Variants in NPAP1 observed in about 807,000 individuals in gnomAD.
The protein encoded by NPAP1 is nuclear pore-associated protein 1.
For missense variants in NPAP1, 1,483 were observed against 1,454.5 expected, an observed-to-expected ratio of 1.02 and a Z score of -0.32; for synonymous variants, 616 against 581.4, an observed-to-expected ratio of 1.06 and a Z score of -0.86.
chr15:24,679,152 C>A lies in NPAP1; in HGVS notation c.3285C>A (p.Thr1095=), dbSNP rs1413246183. The part of the protein sequence containing the change: ...AAYIPGLDPP[T]QNSCSGMGGD... ...ACATTCCTGGTTTAGACCCACCTACCCAGAATTCATGCAGTGGTATGGGAG... is the reference window on the plus strand; with the variant it reads ...ACATTCCTGGTTTAGACCCACCTACACAGAATTCATGCAGTGGTATGGGAG... The change falls in exon 1 of 1, where the codon ACC becomes ACA. Residue 1095 remains threonine (T), a synonymous_variant. Transcript: ENST00000329468. 6.2e-7 allele frequency: 1 copy of A among 1,614,180 alleles called. No homozygotes were observed. The highest frequency in any genetic ancestry group is 1.1e-5 in the South Asian group (1 of 91,086).
chr15:24,676,719 G>A lies in NPAP1; in HGVS notation c.852G>A (p.Glu284=), dbSNP rs2048978655. 1 of 1,614,068 alleles carries A rather than the reference G, an allele frequency of 6.2e-7. No homozygotes were observed. Among genetic ancestry groups the A allele is most frequent in the African/African-American group, 1.3e-5 (1 of 75,056 alleles). The change falls in exon 1 of 1, where the codon GAG becomes GAA. Residue 284 remains glutamate (E), a synonymous_variant. Transcript: ENST00000329468. ...QKLAAEVLNE[E]PPPSSLGLPI... ...TGGCTGCGGAAGTGCTGAATGAAGA[G>A]CCACCGCCCAGCTCCCTAGGCTTGC...
chr15:24,676,747 A>G lies in NPAP1; in HGVS notation c.880A>G (p.Ile294Val), dbSNP rs139890361. ...ACCGCCCAGCTCCCTAGGCTTGCCG[A>G]TTCCGCTGATGTCCGGAAAGAGGAT... ...EPPPSSLGLP[I>V]PLMSGKRMPD... The change falls in exon 1 of 1, where the codon ATT (isoleucine) becomes GTT (valine). Residue 294 changes from isoleucine to valine, a missense_variant. By Grantham distance (29) the Ile-to-Val change is conservative. Transcript: ENST00000329468. 1.1e-4 allele frequency: 171 copies of G among 1,613,962 alleles called. 1 individual carries two copies. In the Middle Eastern group the frequency reaches 1.6e-3, roughly 16 times the overall value.
chr15:24,677,281 A>G lies in NPAP1; in HGVS notation c.1414A>G (p.Ile472Val). The G allele has an allele frequency of 6.2e-7, 1 of 1,614,070 alleles. No homozygotes were observed. Among genetic ancestry groups the G allele is most frequent in the Admixed American group, 1.7e-5 (1 of 60,016 alleles). The change falls in exon 1 of 1, where the codon ATT becomes GTT. Residue 472 changes from isoleucine (I) to valine (V), a missense_variant. By Grantham distance (29) the Ile-to-Val change is conservative. Coordinates refer to ENST00000329468, the MANE Select transcript of NPAP1 (RefSeq NM_018958.3). ...PLALPADLVP[I>V]LGDQSNEKGG... Reference sequence around the variant, plus strand: ...GGCTCTTCCTGCTGACCTTGTTCCCATTTTGGGTGATCAGTCTAATGAGAA... The same window carrying G: ...GGCTCTTCCTGCTGACCTTGTTCCCGTTTTGGGTGATCAGTCTAATGAGAA...
rs750270000 is a variant in NPAP1 at position 24,678,292 on chromosome 15, A to G, written c.2425A>G (p.Ser809Gly). The change falls in exon 1 of 1, where the codon AGT (serine) becomes GGT (glycine). Residue 809 changes from serine to glycine, a missense_variant. By Grantham distance (56) the Ser-to-Gly change is moderately conservative (BLOSUM62 0). Coordinates refer to ENST00000329468, the MANE Select transcript of NPAP1 (RefSeq NM_018958.3). ...TCCAGACACCTCCACTTTAGTGAGC[A>G]GTGCCTCTGCAGCATCGTTATCCAA... ...VPPDTSTLVS[S>G]ASAASLSKPA... 1 of 1,614,100 alleles carries G rather than the reference A, an allele frequency of 6.2e-7. No individual in the cohort carries two copies. The highest frequency in any genetic ancestry group is 1.7e-5 in the Admixed American group (1 of 60,024).
rs2141306770 is a variant in NPAP1, at chr15:24,675,836, T to C, written c.-32T>C. On this transcript the variant is annotated 5_prime_UTR_variant, in exon 1 of 1. Coordinates refer to ENST00000329468, the MANE Select transcript of NPAP1 (RefSeq NM_018958.3). ...GGAGAGTTGAGTCCACTGCTGACCC[T>C]GTTTTACGGTAGGAGGCACGGCTAG... 2.1e-6 allele frequency: 3 copies of C among 1,429,520 alleles called. No homozygotes were observed. Among genetic ancestry groups the C allele is most frequent in the East Asian group, 2.7e-5 (1 of 37,336 alleles). 88.6% of individuals were successfully genotyped at this position (1,429,520 alleles called of 1,614,324 possible). A position where few individuals can be genotyped will look rare whatever the true frequency, so the allele number is the denominator to read the frequency against.
Position 24,683,088 on chromosome 15 carries a change from A to G in NPAP1, c.*3750A>G. On this transcript the variant is annotated 3_prime_UTR_variant, in exon 1 of 1. Coordinates refer to ENST00000329468, the MANE Select transcript of NPAP1 (RefSeq NM_018958.3). ...GCATGCTTATACTGGTCCAAGCATT[A>G]GGTCATAGCCTGTTCCTCTTCCTTA... The G allele has an allele frequency of 5.5e-6, 1 of 182,588 alleles. No individual in the cohort carries two copies. Among genetic ancestry groups the G allele is most frequent in the Non-Finnish European group, 1.2e-5 (1 of 86,122 alleles). 11.3% of individuals were successfully genotyped at this position (182,588 alleles called of 1,614,324 possible).
chr15:24,677,488 TCA>T, the NPAP1 span: 1 of 1,614,136 alleles, frequency 6.2e-7, no homozygotes, highest in Non-Finnish European at 8.5e-7. Context: ...CACCGGGACC[TCA>T]GTTATCACCA....
rs66548326 is a variant in NPAP1 at position 24,680,608 on chromosome 15, TTGTG to T, written c.*1286_*1289del. 4.3e-5 allele frequency: 7 copies of T among 164,300 alleles called. No homozygotes were observed. The highest frequency in any genetic ancestry group is 7.4e-5 in the Non-Finnish European group (5 of 67,606). The allele number at this position is 164,300 out of a possible 1,614,324, so 10.2% of individuals were successfully genotyped here. A position where few individuals can be genotyped will look rare whatever the true frequency, so the allele number is the denominator to read the frequency against. ...ACAGAGAGAGAGAGAGTGTGTGTGT[TTGTG>T]TGTGTGTGTGTGTGTTTATTGGTGA... On this transcript the variant is annotated 3_prime_UTR_variant, in exon 1 of 1. Transcript: ENST00000329468.
In NPAP1 at chr15:24,677,495, T is replaced by C. The variant is rs2141310486; in HGVS notation, c.1628T>C (p.Ile543Thr). 2 of 1,614,116 alleles carry C rather than the reference T, an allele frequency of 1.2e-6. No individual in the cohort carries two copies. The highest frequency in any genetic ancestry group is 2.2e-5 in the East Asian group (1 of 44,858). Residue 543 changes from isoleucine (I) to threonine (T), a missense_variant, in exon 1 of 1, where the codon ATC (isoleucine) becomes ACC (threonine). By Grantham distance (89) the Ile-to-Thr change is moderately conservative. Coordinates refer to ENST00000329468, the MANE Select transcript of NPAP1 (RefSeq NM_018958.3). ...LPVPSTGTSVITSKPMNSTSV... is the reference protein window; with the variant it reads ...LPVPSTGTSVTTSKPMNSTSV... ...GTCCCTTCCACCGGGACCTCAGTTA[T>C]CACCAGCAAGCCTATGAATTCCACG...
In NPAP1 at chr15:24,678,423, G is replaced by A. The variant is rs376908304; in HGVS notation, c.2556G>A (p.Met852Ile). The A allele has an allele frequency of 2.9e-5, 46 of 1,613,936 alleles. No homozygotes were observed. The highest frequency in any genetic ancestry group is 3.8e-5 in the Non-Finnish European group (45 of 1,180,028). Reference sequence around the variant, plus strand: ...AGGAGGAGTACATCCGATTTTATATGGGGCTTCCTGGTTCTGGGAACACAC... The same window carrying A: ...AGGAGGAGTACATCCGATTTTATATAGGGCTTCCTGGTTCTGGGAACACAC... Reference protein sequence around the residue: ...SRKEEYIRFYMGLPGSGNTLH... With the variant: ...SRKEEYIRFYIGLPGSGNTLH... Residue 852 changes from methionine (M) to isoleucine (I), a missense_variant, in exon 1 of 1, where the codon ATG becomes ATA. Met to Ile is a conservative substitution (Grantham distance 10). Transcript: ENST00000329468.
chr15:24,678,370 A>G lies in NPAP1; in HGVS notation c.2503A>G (p.Ile835Val). The G allele has an allele frequency of 6.2e-7, 1 of 1,613,962 alleles. No individual in the cohort carries two copies. Among genetic ancestry groups the G allele is most frequent in the East Asian group, 2.2e-5 (1 of 44,842 alleles). The stretch of plus-strand genomic sequence containing the variant: ...TACCACCCCTCCTTCCAAAACTGTC[A>G]TCTTGCAGTCTACCTTTGTCTCCAG... The part of the protein sequence containing the change: ...MNTTPPSKTV[I>V]LQSTFVSRKE... Residue 835 changes from isoleucine (I) to valine (V), a missense_variant, in exon 1 of 1, where the codon ATC (isoleucine) becomes GTC (valine). Ile to Val is a conservative substitution (Grantham distance 29, BLOSUM62 3). Coordinates refer to ENST00000329468, the MANE Select transcript of NPAP1 (RefSeq NM_018958.3).
rs2141313817 is a variant in NPAP1, at chr15:24,678,963, A to C, written c.3096A>C (p.Thr1032=). Residue 1032 remains threonine (T), a synonymous_variant, in exon 1 of 1, where the codon ACA becomes ACC. Transcript: ENST00000329468. ...TGTCTGCCCCAGGCCCCAGTTCCAC[A>C]TCAGGAGAACTCAACATTGGACAAG... ...FSMSAPGPSS[T]SGELNIGQGQ... is the part of the protein sequence containing the mutation. 11 of 1,614,152 alleles carry C rather than the reference A, an allele frequency of 6.8e-6. No individual in the cohort carries two copies. The highest frequency in any genetic ancestry group is 9.3e-6 in the Non-Finnish European group (11 of 1,180,028).
chr15:24,677,552 C>G lies in NPAP1; in HGVS notation c.1685C>G (p.Ser562Cys), dbSNP rs759345390. The G allele has an allele frequency of 6.2e-6, 10 of 1,614,212 alleles. No homozygotes were observed. In the South Asian group the frequency reaches 9.9e-5, roughly 16 times the overall value. The change falls in exon 1 of 1, where the codon TCT becomes TGT. Residue 562 changes from serine (S) to cysteine (C), a missense_variant. Ser to Cys is a moderately radical substitution (Grantham distance 112). Transcript: ENST00000329468. Reference protein sequence around the residue: ...SVISTVTTNASAHLTSQTAVD... With the variant: ...SVISTVTTNACAHLTSQTAVD... ...ATTTCCACTGTCACAACAAACGCAT[C>G]TGCCCACCTAACCTCACAGACTGCG...
chr15:24,676,689 G>C lies in NPAP1; in HGVS notation c.822G>C (p.Gln274His), dbSNP rs1205054056. The C allele has an allele frequency of 6.2e-7, 1 of 1,613,984 alleles. No individual in the cohort carries two copies. Among genetic ancestry groups the C allele is most frequent in the African/African-American group, 1.3e-5 (1 of 74,932 alleles). The part of the protein sequence containing the change: ...EPAVGCSLLQ[Q>H]KLAAEVLNEE... ...CCGTTGGCTGCTCCCTGCTGCAGCAGAAGTTGGCTGCGGAAGTGCTGAATG... is the reference window on the plus strand; with the variant it reads ...CCGTTGGCTGCTCCCTGCTGCAGCACAAGTTGGCTGCGGAAGTGCTGAATG... The change falls in exon 1 of 1, where the codon CAG (glutamine) becomes CAC (histidine). Residue 274 changes from glutamine to histidine, a missense_variant. Gln to His is a conservative substitution (Grantham distance 24). Transcript: ENST00000329468.
rs746840625 is a variant in NPAP1 at position 24,676,229 on chromosome 15, G to T, written c.362G>T (p.Arg121Leu). ...TCCGTAAGGATCCCTCCTCCCAGCCGCATGTTCACTCTCCTGCTGCCTTCA... is the reference window on the plus strand; with the variant it reads ...TCCGTAAGGATCCCTCCTCCCAGCCTCATGTTCACTCTCCTGCTGCCTTCA... Reference protein sequence around the residue: ...PSSVRIPPPSRMFTLLLPSPR... With the variant: ...PSSVRIPPPSLMFTLLLPSPR... Residue 121 changes from arginine (R) to leucine (L), a missense_variant, in exon 1 of 1, where the codon CGC (arginine) becomes CTC (leucine). Coordinates refer to ENST00000329468, the MANE Select transcript of NPAP1 (RefSeq NM_018958.3). The T allele has an allele frequency of 1.2e-5, 18 of 1,521,384 alleles. No homozygotes were observed. The highest frequency in any genetic ancestry group is 1.5e-5 in the Non-Finnish European group (17 of 1,136,948). The allele number at this position is 1,521,384 out of a possible 1,614,324, so 94.2% of individuals were successfully genotyped here. A position where few individuals can be genotyped will look rare whatever the true frequency, so the allele number is the denominator to read the frequency against.
In NPAP1 at chr15:24,679,824, C is replaced by T. The variant is rs1427608866; in HGVS notation, c.*486C>T. 1 of 178,216 alleles carries T rather than the reference C, an allele frequency of 5.6e-6. No individual in the cohort carries two copies. The highest frequency in any genetic ancestry group is 1.3e-5 in the Non-Finnish European group (1 of 74,376). 11.0% of individuals were successfully genotyped at this position (178,216 alleles called of 1,614,324 possible). A position where few individuals can be genotyped will look rare whatever the true frequency, so the allele number is the denominator to read the frequency against. On this transcript the variant is annotated 3_prime_UTR_variant, in exon 1 of 1. Coordinates refer to ENST00000329468, the MANE Select transcript of NPAP1 (RefSeq NM_018958.3). ...TTGGTCCCCCATTTACACAAAGCACCTGAGGCCCACCTGGCTAAATGCAGG... is the reference window on the plus strand; with the variant it reads ...TTGGTCCCCCATTTACACAAAGCACTTGAGGCCCACCTGGCTAAATGCAGG...
At position 24,678,507 on chromosome 15, in the gene NPAP1, T is replaced by G. The variant is rs779167552; in HGVS notation, c.2640T>G (p.Asp880Glu). The G allele has an allele frequency of 6.2e-7, 1 of 1,614,184 alleles. No homozygotes were observed. The highest frequency in any genetic ancestry group is 8.5e-7 in the Non-Finnish European group (1 of 1,180,032). Residue 880 changes from aspartate to glutamate, a missense_variant, in exon 1 of 1, where the codon GAT becomes GAG. Asp to Glu is a conservative substitution (Grantham distance 45, BLOSUM62 2). Coordinates refer to ENST00000329468, the MANE Select transcript of NPAP1 (RefSeq NM_018958.3). Reference sequence around the variant, plus strand: ...CCACCAGTTTTCCTGCACAGGCAGATAGGAGACCAACCACAACTTCCAGCC... The same window carrying G: ...CCACCAGTTTTCCTGCACAGGCAGAGAGGAGACCAACCACAACTTCCAGCC... ...QVSTSFPAQA[D>E]RRPTTTSSHP...
Position 24,676,871 on chromosome 15 carries a change from T to TGCTGCC in NPAP1, c.1011_1016dup (p.Leu338_Pro339dup), listed in dbSNP as rs1350755757. 1.2e-6 allele frequency: 2 copies of TGCTGCC among 1,613,300 alleles called. No individual in the cohort carries two copies. Among genetic ancestry groups the TGCTGCC allele is most frequent in the African/African-American group, 2.7e-5 (2 of 74,910 alleles). Reference sequence around the variant, plus strand: ...AAAAGGAAAATGTCGATTCCATTGCTGCTGCCGCTGCCCCCTTCACTGCCA... The same window carrying TGCTGCC: ...AAAAGGAAAATGTCGATTCCATTGCTGCTGCCGCTGCCGCTGCCCCCTTCACTGCCA... On this transcript the variant is annotated inframe_insertion, in exon 1 of 1. Transcript: ENST00000329468.
rs1186424472 is a variant in NPAP1 at position 24,681,889 on chromosome 15, T to C, written c.*2551T>C. ...GTCAATGACTGAGTTCCTTAGGCAA[T>C]GGTGCCCTGATTGCCTTTATTAGGC... On this transcript the variant is annotated 3_prime_UTR_variant, in exon 1 of 1. Coordinates refer to ENST00000329468, the MANE Select transcript of NPAP1 (RefSeq NM_018958.3). 6.0e-6 allele frequency: 1 copy of C among 166,880 alleles called. No homozygotes were observed. The highest frequency in any genetic ancestry group is 1.5e-5 in the Non-Finnish European group (1 of 68,066). The allele number at this position is 166,880 out of a possible 1,614,324, so 10.3% of individuals were successfully genotyped here.
Sources: gnomAD v4.1 joint callset for allele counts on GRCh38, gnomAD v4.1.1 for gene constraint, MANE v1.5 for transcripts, NCBI Gene and HGNC (gene_info 2026-07-23, HGNC 2026-07-21) for gene names.